GNAO1: variants seen among roughly 807,000 people sequenced by gnomAD.
GNAO1 encodes the protein guanine nucleotide-binding protein G(o) subunit alpha.
For missense variants in GNAO1, 166 were observed against 478.7 expected (o/e 0.35, Z 6.10); for synonymous variants, 164 against 180.7 (o/e 0.91, Z 0.74).
chr16:56,275,666 C>G (rs1005072079), intron 2 of GNAO1, among the ~76,000 whole-genome samples: 2 of 152,174 alleles, frequency 1.3e-5, no homozygotes, highest in Non-Finnish European at 2.9e-5. Flanking sequence ...TAAGTACTTT[C>G]AAGTATTATC....
At chr16:56,355,180 T>C (rs1596883759) in intron 8 of GNAO1, 99 bp downstream of exon 8, 1 of 404,468 alleles carries the variant, frequency 2.5e-6, no homozygotes, top group East Asian at 3.9e-5. Context: ...AGTTGGTAAA[T>C]AAACTTTAAA....
intron 3 of GNAO1, among the ~76,000 whole-genome samples, chr16:56,288,248 C>T (rs1567470346): frequency 6.6e-6 from 1 of 152,236 alleles, no homozygotes; most frequent in African/African-American, 2.4e-5. Flanking sequence ...TGTACTGCTG[C>T]TCAGAGCTCA....
At chr16:56,261,338 C>T (rs1175908383) in intron 2 of GNAO1, among the ~76,000 whole-genome samples, 1 of 152,186 alleles carries the variant, frequency 6.6e-6, no homozygotes, top group African/African-American at 2.4e-5. Context: ...TCTGGGGCAA[C>T]GCTTAGGAGG....
At chr16:56,192,921 T>C in intron 2 of GNAO1, 1 of 326,374 alleles carries the variant, frequency 3.1e-6, no homozygotes, top group Non-Finnish European at 5.7e-6. Flanking sequence ...TTATGATCAT[T>C]ACTCTTGCTT....
rs183444789 is a variant in GNAO1 at position 56,311,605 on chromosome 16, C to G, written c.304-17026C>G. On this transcript the variant is annotated intron_variant, in intron 3 of 8. Coordinates refer to ENST00000262493, the MANE Select transcript of GNAO1 (RefSeq NM_020988.3). The surrounding 1 kb of genome is among the most constrained non-coding windows in gnomAD (Gnocchi z 5.2). Reference sequence around the variant, plus strand: ...CTGGCCCTGCGCTGAACTGAGAACCCGAGGAGCGCGTCCCCTCCCTCCTCC... The same window carrying G: ...CTGGCCCTGCGCTGAACTGAGAACCGGAGGAGCGCGTCCCCTCCCTCCTCC... Among the ~76,000 whole-genome samples the G allele has an allele frequency of 6.6e-6, 1 of 152,104 alleles. No homozygotes were observed. Among genetic ancestry groups the G allele is most frequent in the Non-Finnish European group, 1.5e-5 (1 of 68,008 alleles).
At chr16:56,340,165 T>G (rs1352332169) in intron 6 of GNAO1, 2 of 152,264 alleles carry the variant, frequency 1.3e-5, no homozygotes, top group Admixed American at 1.3e-4. Context: ...TTTCATCTGT[T>G]TTGCTGTGTT....
intron 4 of GNAO1, 25 bp downstream of exon 4, chr16:56,328,816 C>T: frequency 6.2e-7 from 1 of 1,610,290 alleles, no homozygotes. Context: ...GGGCGCATGG[C>T]CTGGAGCCGG....
intron 8 of GNAO1, 28 bp downstream of exon 8, chr16:56,355,109 C>T: frequency 1.0e-6 from 1 of 999,800 alleles, no homozygotes; most frequent in South Asian, 1.4e-5. Flanking sequence ...CACAGAACAG[C>T]TTGCGTGCGC....
intron 6 of GNAO1, chr16:56,347,125 G>C (rs750545247): frequency 1.0e-6 from 1 of 985,344 alleles, no homozygotes; most frequent in Non-Finnish European, 1.2e-6. Context: ...TGAGCACTCG[G>C]ACTGTTTCCT....
chr16:56,320,307 A>G (rs1292625355), intron 3 of GNAO1, among the ~76,000 whole-genome samples: 1 of 152,120 alleles, frequency 6.6e-6, no homozygotes, highest in Non-Finnish European at 1.5e-5. Flanking sequence ...GGAGCCGTGT[A>G]TACTCGTCCA....
rs539148929 is a variant in GNAO1 at position 56,242,066 on chromosome 16, G to A, written c.162-33865G>A. On this transcript the variant is annotated intron_variant, in intron 2 of 8. Coordinates refer to ENST00000262493, the MANE Select transcript of GNAO1 (RefSeq NM_020988.3). The stretch of plus-strand genomic sequence containing the variant: ...CCTGCCAGCCCAGGACAGTCTCTGG[G>A]GCACAGCAGTGATAGCAGAAATGCT... 1.3e-4 allele frequency among the ~76,000 whole-genome samples: 20 copies of A among 152,302 alleles called. No individual in the cohort carries two copies. In the South Asian group the frequency reaches 3.7e-3, roughly 28 times the overall value.
At chr16:56,194,222 G>A (rs774580065) in intron 2 of GNAO1, 24 of 456,490 alleles carry the variant, frequency 5.3e-5, no homozygotes, top group South Asian at 3.1e-4. Context: ...TGAGCCAGGG[G>A]TAATTTAGCT....
intron 6 of GNAO1, chr16:56,347,955 C>T (rs1213536718): frequency 1.0e-6 from 1 of 960,290 alleles, no homozygotes; most frequent in Non-Finnish European, 1.2e-6. Flanking sequence ...TCCCCACGCA[C>T]CCCCCTCCCC....
chr16:56,212,860 T>C (rs766437460), intron 2 of GNAO1, among the ~76,000 whole-genome samples: 7 of 152,234 alleles, frequency 4.6e-5, no homozygotes, highest in Non-Finnish European at 8.8e-5. Context: ...AGTGATGAAC[T>C]ATCATTTCTG....
chr16:56,243,350 G>A (rs2036712429), intron 2 of GNAO1, among the ~76,000 whole-genome samples: 1 of 152,112 alleles, frequency 6.6e-6, no homozygotes, highest in South Asian at 2.1e-4. Context: ...GGGGACTGCT[G>A]CTTTAGAGGA....
At chr16:56,340,750 T>C in intron 6 of GNAO1, 3 of 1,257,646 alleles carry the variant, frequency 2.4e-6, no homozygotes, top group Non-Finnish European at 3.4e-6. Flanking sequence ...ACCTTCCCTT[T>C]GCTTGTCCCG....
chr16:56,210,622 T>A (rs1383711280), intron 2 of GNAO1, among the ~76,000 whole-genome samples: 1 of 152,242 alleles, frequency 6.6e-6, no homozygotes, highest in Admixed American at 6.5e-5. Flanking sequence ...AATATGTATG[T>A]TGTGGTATCT....
At chr16:56,265,075 T>C (rs1377487228) in intron 2 of GNAO1, among the ~76,000 whole-genome samples, 2 of 152,218 alleles carry the variant, frequency 1.3e-5, no homozygotes, top group East Asian at 3.9e-4. Context: ...TGTGGTTTTC[T>C]GCCTCCCTTG....
chr16:56,233,825 C>G (rs562102967), intron 2 of GNAO1, among the ~76,000 whole-genome samples: 1 of 152,308 alleles, frequency 6.6e-6, no homozygotes, highest in African/African-American at 2.4e-5. Flanking sequence ...CCCAAAGGCT[C>G]CATGCCCCCT....
Sources: gnomAD v4.1 joint callset for allele counts (sites outside exome capture counted in the v4.1 genomes callset) on GRCh38, gnomAD v4.1.1 for gene constraint, Gnocchi (gnomAD v3.1) non-coding constraint, MANE v1.5 for transcripts, NCBI Gene and HGNC (gene_info 2026-07-23, HGNC 2026-07-21) for gene names.